TNIP3: variants seen among roughly 807,000 people sequenced by gnomAD.
The protein encoded by TNIP3 is TNFAIP3-interacting protein 3.
In TNIP3, 34 loss-of-function variants were observed where a neutral mutation model predicts 54.1. The observed-to-expected ratio is 0.63, with a 90% CI of 0.48 to 0.84. The LOEUF is 0.84. TNIP3 is among the 40% of genes least tolerant of loss of function. TNIP3 has a pLI of 0.00. For missense variants in TNIP3, 366 were observed against 387.6 expected, an observed-to-expected ratio of 0.94 and a Z score of 0.47; for synonymous variants, 134 against 136.8, an observed-to-expected ratio of 0.98 and a Z score of 0.14.
At chr4:121,168,616 G>A (rs964208793), upstream of TNIP3, among the ~76,000 whole-genome samples, 8 of 151,684 alleles carry the variant, frequency 5.3e-5, no homozygotes, top group Non-Finnish European at 1.0e-4. Flanking sequence ...CAACTCCTGG[G>A]GTCAAGCAAT....
At position 121,197,483 on chromosome 4, in the gene TNIP3, G is replaced by A. The variant is rs58983477; in HGVS notation, c.69-14687C>T. Among the ~76,000 whole-genome samples, 370 of 142,734 alleles carry A rather than the reference G, an allele frequency of 2.6e-3. 1 individual carries two copies. The highest frequency in any genetic ancestry group is 9.3e-3 in the African/African-American group (349 of 37,640). The allele number at this position is 142,734 out of a possible 152,430, so 93.6% of individuals were successfully genotyped here. A position where few individuals can be genotyped will look rare whatever the true frequency, so the allele number is the denominator to read the frequency against. On this transcript the variant is annotated intron_variant, in intron 2 of 12. Transcript: ENST00000507879. ...CGGAGTAGAGATTGCAGTAAGCCGA[G>A]ATCAGGCCACTGCACTCCAGCCTGG...
upstream of TNIP3, among the ~76,000 whole-genome samples, chr4:121,217,281 T>A (rs954152327): frequency 6.6e-6 from 1 of 152,030 alleles, no homozygotes; most frequent in Admixed American, 6.6e-5. Context: ...TGAGAACCCA[T>A]CAGAAAATTT....
At chr4:121,164,452 G>T, upstream of TNIP3, 1 of 643,896 alleles carries the variant, frequency 1.6e-6, no homozygotes, top group Non-Finnish European at 2.0e-6. Context: ...TATGTAAATC[G>T]TCATTCTTCC....
intron 1 of TNIP3, among the ~76,000 whole-genome samples, chr4:121,162,343 A>T (rs766009783): frequency 6.6e-6 from 1 of 152,088 alleles, no homozygotes. Flanking sequence ...TCCTATTTAG[A>T]CCTATGTTAC....
At chr4:121,165,902 G>T (rs563472693), upstream of TNIP3, among the ~76,000 whole-genome samples, 5 of 152,212 alleles carry the variant, frequency 3.3e-5, no homozygotes, top group African/African-American at 1.2e-4. Context: ...ACTAAAATCT[G>T]CTCATCAGAA....
intron 2 of TNIP3, among the ~76,000 whole-genome samples, chr4:121,160,481 A>AG: frequency 6.6e-6 from 1 of 152,174 alleles, no homozygotes; most frequent in South Asian, 2.1e-4. Flanking sequence ...TGTCTCAAAA[A>AG]AAAAAAAGAA....
rs1020390300 is a variant in TNIP3 at position 121,182,912 on chromosome 4, G to A, written c.69-116C>T. 30 of 1,020,354 alleles carry A rather than the reference G, an allele frequency of 2.9e-5. No homozygotes were observed. The East Asian group carries it at 6.3e-4, about 22-fold the overall frequency. The allele number at this position is 1,020,354 out of a possible 1,614,324, so 63.2% of individuals were successfully genotyped here. On this transcript the variant is annotated intron_variant, in intron 2 of 12. Coordinates refer to the TNIP3 transcript ENST00000507879. ...TTATTTATGTATGATACTTCTCTAC[G>A]ATCTCCCAAACTCTAATCTCATTAT...
chr4:121,168,578 T>C, upstream of TNIP3, among the ~76,000 whole-genome samples: 1 of 151,296 alleles, frequency 6.6e-6, no homozygotes, highest in East Asian at 1.9e-4. Flanking sequence ...TGGAGTGCAG[T>C]GGTACAATCA....
intron 1 of TNIP3, among the ~76,000 whole-genome samples, chr4:121,225,576 T>C (rs753458119): frequency 1.3e-5 from 2 of 152,250 alleles, no homozygotes; most frequent in African/African-American, 2.4e-5. Flanking sequence ...GAGTAATAGG[T>C]GTTCCTCTAA....
chr4:121,149,868 A>G (rs1027576069), intron 6 of TNIP3, among the ~76,000 whole-genome samples: 2 of 152,202 alleles, frequency 1.3e-5, no homozygotes, highest in Admixed American at 1.3e-4. Flanking sequence ...TAATTGTGTG[A>G]TCTTGGGTAA....
At chr4:121,214,713 T>C (rs988530559) in intron 2 of TNIP3, among the ~76,000 whole-genome samples, 11 of 152,222 alleles carry the variant, frequency 7.2e-5, no homozygotes, top group Non-Finnish European at 1.3e-4. Flanking sequence ...CATCACATCA[T>C]ATATTTTTTG....
chr4:121,227,214 C>A (rs191675483), intron 1 of TNIP3, among the ~76,000 whole-genome samples: 1 of 152,146 alleles, frequency 6.6e-6, no homozygotes, highest in South Asian at 2.1e-4. Flanking sequence ...TATTTCTCAC[C>A]GGGAACACAT....
upstream of TNIP3, among the ~76,000 whole-genome samples, chr4:121,220,456 G>A (rs1187065440): frequency 6.6e-6 from 1 of 152,118 alleles, no homozygotes; most frequent in Non-Finnish European, 1.5e-5. Flanking sequence ...TCTGAAAACA[G>A]AATGCTTTTA....
At chr4:121,200,121 T>C (rs900876388) in intron 2 of TNIP3, among the ~76,000 whole-genome samples, 1 of 152,050 alleles carries the variant, frequency 6.6e-6, no homozygotes, top group Non-Finnish European at 1.5e-5. Context: ...GTGACCACGT[T>C]CACTGGGTTC....
Position 121,141,694 on chromosome 4 carries a change from AG to A in TNIP3, c.885+121del, listed in dbSNP as rs2148797325. 3 of 585,050 alleles carry A rather than the reference AG, an allele frequency of 5.1e-6. No homozygotes were observed. In the East Asian group the frequency reaches 1.0e-4, roughly 20 times the overall value. The allele number at this position is 585,050 out of a possible 1,614,324, so 36.2% of individuals were successfully genotyped here. On this transcript the variant is annotated intron_variant, in intron 9 of 10. Transcript: ENST00000057513. ...ATTGACCACTCCAACTTTGCAAGTT[AG>A]AGGCTGAGAGAAAACAGAGGCTCTT... is the stretch of plus-strand genomic sequence containing the variant.
intron 2 of TNIP3, among the ~76,000 whole-genome samples, chr4:121,211,310 G>A (rs1726464594): frequency 6.6e-6 from 1 of 152,042 alleles, no homozygotes; most frequent in Admixed American, 6.6e-5. Context: ...CTAAAAAGAG[G>A]AATAAAAAGG....
At chr4:121,196,215 G>T in intron 2 of TNIP3, among the ~76,000 whole-genome samples, 1 of 152,168 alleles carries the variant, frequency 6.6e-6, no homozygotes, top group East Asian at 1.9e-4. Flanking sequence ...GAAATAAATT[G>T]ACAAGGTCTA....
At chr4:121,133,643 A>G (rs1356686823) in intron 10 of TNIP3, among the ~76,000 whole-genome samples, 1 of 152,202 alleles carries the variant, frequency 6.6e-6, no homozygotes, top group Non-Finnish European at 1.5e-5. Context: ...TTTTAGATGG[A>G]GAGAGGCTGT....
At chr4:121,139,743 C>T (rs778465528) in intron 9 of TNIP3, among the ~76,000 whole-genome samples, 1 of 152,070 alleles carries the variant, frequency 6.6e-6, no homozygotes, top group Non-Finnish European at 1.5e-5. Flanking sequence ...GCTCCTCTGG[C>T]TTATGAAAAA....
Sources: allele counts gnomAD v4.1 joint callset (sites outside exome capture counted in the v4.1 genomes callset), GRCh38; gene constraint gnomAD v4.1.1; transcripts MANE v1.5; gene names NCBI Gene and HGNC (gene_info 2026-07-23, HGNC 2026-07-21).